Variants in PKD1L3 observed in about 807,000 individuals in gnomAD.
The protein encoded by PKD1L3 is polycystin 1 like 3, transient receptor potential channel interacting.
In PKD1L3, 239 loss-of-function variants were observed where a neutral mutation model predicts 184.1. That is an observed-to-expected ratio of 1.30 (90% CI 1.17 to 1.45). PKD1L3 has a LOEUF of 1.45. Ranked by LOEUF, PKD1L3 falls within the 40% of genes most tolerant of loss-of-function variation. The pLI, the probability that PKD1L3 is intolerant of heterozygous loss-of-function variation, is 0.00. For missense variants in PKD1L3, 2,660 were observed against 2,067.2 expected, an observed-to-expected ratio of 1.29 and a Z score of -5.56; for synonymous variants, 996 against 778.8, an observed-to-expected ratio of 1.28 and a Z score of -4.64.
intron 22 of PKD1L3, among the ~76,000 whole-genome samples, chr16:71,944,446 G>A (rs1010292984): frequency 1.3e-5 from 2 of 152,116 alleles, no homozygotes; most frequent in Admixed American, 6.6e-5. Flanking sequence ...AGCACTTTGG[G>A]AGGCCAAGGC....
At chr16:71,950,795 C>A (rs1428825722) in intron 19 of PKD1L3, among the ~76,000 whole-genome samples, 1 of 149,108 alleles carries the variant, frequency 6.7e-6, no homozygotes, top group Admixed American at 6.7e-5. Flanking sequence ...TGTAGTGGCA[C>A]GATCTTGGCT....
At chr16:71,955,266 A>G (rs1294045275) in intron 16 of PKD1L3, among the ~76,000 whole-genome samples, 4 of 151,212 alleles carry the variant, frequency 2.6e-5, no homozygotes, top group African/African-American at 9.7e-5. Context: ...AAGGGATGGT[A>G]TGTGTGTGTG....
chr16:71,958,659 T>TA (rs1278714581), intron 16 of PKD1L3, among the ~76,000 whole-genome samples: 1 of 149,374 alleles, frequency 6.7e-6, no homozygotes, highest in Non-Finnish European at 1.5e-5. Flanking sequence ...TGGGCGCCTG[T>TA]AATCCCAGCT....
intron 11 of PKD1L3, among the ~76,000 whole-genome samples, chr16:71,974,893 A>C (rs1013138851): frequency 6.7e-6 from 1 of 149,786 alleles, no homozygotes; most frequent in Non-Finnish European, 1.5e-5. Context: ...GAAGGTGGTC[A>C]TGACGGGAGA....
chr16:71,989,269 C>T lies in PKD1L3; in HGVS notation c.585+1011G>A, dbSNP rs1240359160. ...TCCTGGGTTCAAGTGATTCTCCTGC[C>T]TCAGCCTCCCAAGTAGCTGGGATTA... On this transcript the variant is annotated intron_variant, in intron 4 of 29. Coordinates refer to ENST00000620267, the MANE Select transcript of PKD1L3 (RefSeq NM_181536.2). Among the ~76,000 whole-genome samples the T allele has an allele frequency of 2.6e-5, 4 of 152,204 alleles. No individual in the cohort carries two copies. The East Asian group carries it at 7.7e-4, about 29-fold the overall frequency.
intron 2 of PKD1L3, among the ~76,000 whole-genome samples, chr16:71,996,921 C>T (rs911600321): frequency 6.7e-6 from 1 of 150,112 alleles, no homozygotes; most frequent in East Asian, 2.0e-4. Flanking sequence ...TTTGGTGGTC[C>T]GAGCCTTGGA....
chr16:71,989,556 A>C (rs565245438), intron 4 of PKD1L3, among the ~76,000 whole-genome samples: 2 of 152,360 alleles, frequency 1.3e-5, no homozygotes, highest in African/African-American at 4.8e-5. Context: ...TCTACATAGG[A>C]CACAAGGGCA....
intron 15 of PKD1L3, among the ~76,000 whole-genome samples, chr16:71,964,650 T>C (rs2039428331): frequency 6.6e-6 from 1 of 151,798 alleles, no homozygotes; most frequent in African/African-American, 2.4e-5. Context: ...ATTCAATGTA[T>C]TTTGACAAAC....
chr16:71,956,821 A>G (rs2039067918), intron 16 of PKD1L3, among the ~76,000 whole-genome samples: 1 of 152,198 alleles, frequency 6.6e-6, no homozygotes, highest in African/African-American at 2.4e-5. Flanking sequence ...ATGTGTTTTT[A>G]CCGTAATTTT....
Position 71,933,433 on chromosome 16 carries a change from G to A in PKD1L3, c.4913C>T (p.Ser1638Phe), listed in dbSNP as rs1285279819. The change falls in exon 28 of 30, where the codon TCT (serine) becomes TTT (phenylalanine). Residue 1638 changes from serine (S) to phenylalanine (F), a missense_variant. Transcript: ENST00000620267. ...VTVVGLLMGISHQEEVFALDP... is the reference protein window; with the variant it reads ...VTVVGLLMGIFHQEEVFALDP... ...TATTATTTTTACCTCCTCTTGGTGAGAAATTCCCATCAGGAGACCAACAAC... is the reference window on the plus strand; with the variant it reads ...TATTATTTTTACCTCCTCTTGGTGAAAAATTCCCATCAGGAGACCAACAAC... 6.5e-7 allele frequency: 1 copy of A among 1,545,366 alleles called. No individual in the cohort carries two copies. Among genetic ancestry groups the A allele is most frequent in the South Asian group, 1.2e-5 (1 of 83,926 alleles).
intron 11 of PKD1L3, among the ~76,000 whole-genome samples, chr16:71,974,203 C>G (rs993780922): frequency 2.0e-5 from 3 of 152,092 alleles, no homozygotes; most frequent in Non-Finnish European, 4.4e-5. Flanking sequence ...CAGGACTGCA[C>G]GCTAGGGACC....
At chr16:71,945,096 TTCCTG>T (rs1473769906) in intron 22 of PKD1L3, among the ~76,000 whole-genome samples, 1 of 150,972 alleles carries the variant, frequency 6.6e-6, no homozygotes, top group African/African-American at 2.4e-5. Context: ...TAAATGCTCA[TTCCTG>T]ATTCCTGTAC....
At chr16:71,961,165 C>T (rs975294411) in intron 16 of PKD1L3, among the ~76,000 whole-genome samples, 8 of 151,946 alleles carry the variant, frequency 5.3e-5, no homozygotes, top group East Asian at 1.9e-4. Context: ...TTCACTCCTT[C>T]GCACAGGCTG....
intron 21 of PKD1L3, among the ~76,000 whole-genome samples, chr16:71,949,209 T>C (rs1429306383): frequency 1.3e-5 from 2 of 152,174 alleles, no homozygotes; most frequent in Non-Finnish European, 2.9e-5. Context: ...TTTTGTTGTT[T>C]ATTTTTTTCA....
intron 22 of PKD1L3, among the ~76,000 whole-genome samples, chr16:71,945,174 G>A (rs1404614831): frequency 3.3e-5 from 2 of 60,978 alleles, no homozygotes; most frequent in Non-Finnish European, 7.0e-5. Flanking sequence ...TTCTATAGTG[G>A]TATTCTCAGA....
intron 7 of PKD1L3, among the ~76,000 whole-genome samples, chr16:71,981,562 T>TA (rs2040158507): frequency 1.1e-5 from 1 of 94,550 alleles, no homozygotes; most frequent in Non-Finnish European, 2.2e-5. Flanking sequence ...TTTTTTTTTT[T>TA]ATGGAATCTC....
At chr16:71,967,087 T>G in intron 15 of PKD1L3, 50 bp downstream of exon 15, 1 of 1,500,840 alleles carries the variant, frequency 6.7e-7, no homozygotes, top group South Asian at 1.3e-5. Flanking sequence ...CTTTCTTCTC[T>G]CTTGGATCCA....
chr16:71,942,640 G>T lies in PKD1L3; in HGVS notation c.4244C>A (p.Pro1415His). Residue 1415 changes from proline to histidine, a missense_variant, in exon 24 of 30, where the codon CCC becomes CAC. Transcript: ENST00000620267. Reference sequence around the variant, plus strand: ...CTCATCAGTGGGAATCAGCACCATGGGCCTGGGTGAACAGATGTAACTGAA... The same window carrying T: ...CTCATCAGTGGGAATCAGCACCATGTGCCTGGGTGAACAGATGTAACTGAA... ...RRFSYICSPR[P>H]MVLIPTDELH... 12 of 1,551,660 alleles carry T rather than the reference G, an allele frequency of 7.7e-6. No individual in the cohort carries two copies. Among genetic ancestry groups the T allele is most frequent in the Non-Finnish European group, 1.0e-5 (12 of 1,146,986 alleles).
chr16:71,993,453 C>A (rs2040669747), intron 2 of PKD1L3, 121 bp from the exon 3 acceptor site: 1 of 659,644 alleles, frequency 1.5e-6, no homozygotes, highest in Non-Finnish European at 2.5e-6. Flanking sequence ...AATTCCTATC[C>A]AGTTTTTTAA....
Sources: allele counts gnomAD v4.1 joint callset (sites outside exome capture counted in the v4.1 genomes callset), GRCh38; gene constraint gnomAD v4.1.1; transcripts MANE v1.5; gene names NCBI Gene and HGNC (gene_info 2026-07-23, HGNC 2026-07-21).